RBFOX1: variants seen among roughly 807,000 people sequenced by gnomAD.
The protein encoded by RBFOX1 is RNA binding fox-1 homolog 1.
A neutral mutation model predicts 57.7 loss-of-function variants in RBFOX1; 8 were observed. That is an observed-to-expected ratio of 0.14 (90% CI 0.08 to 0.25). RBFOX1 has a LOEUF of 0.25. RBFOX1 is among the 10% of genes least tolerant of loss of function. The pLI is 1.00. For missense variants in RBFOX1, 611 were observed against 548.5 expected (o/e 1.11, Z -1.14); for synonymous variants, 326 against 222.4 (o/e 1.47, Z -4.15).
rs556244925 is a variant in RBFOX1 at position 5,927,596 on chromosome 16, G to T, written c.351+60261G>T. ...TATGATCCAGCAATAGTGCTTCTGG[G>T]TATATATCCAAAGGGAATGAAATCT... On this transcript the variant is annotated intron_variant, in intron 4 of 19. Transcript: ENST00000641259. 3.3e-5 allele frequency among the ~76,000 whole-genome samples: 5 copies of T among 152,286 alleles called. No individual in the cohort carries two copies. The South Asian group carries it at 1.0e-3, about 32-fold the overall frequency.
At chr16:7,001,398 T>TGTATGTGTATGTGTATGTGTATA (rs2092782327) in intron 3 of RBFOX1, among the ~76,000 whole-genome samples, 1 of 100,890 alleles carries the variant, frequency 9.9e-6, no homozygotes, top group African/African-American at 3.5e-5. Flanking sequence ...GTATGTGTAT[T>TGTATGTGTATGTGTATGTGTATA]TGTATATGTA....
chr16:6,882,163 C>G (rs2063077857), intron 3 of RBFOX1, among the ~76,000 whole-genome samples: 1 of 152,088 alleles, frequency 6.6e-6, no homozygotes, highest in African/African-American at 2.4e-5. Flanking sequence ...CTCATTAATT[C>G]TGTCTCTAGC....
chr16:6,005,209 G>A (rs9928467), intron 4 of RBFOX1, among the ~76,000 whole-genome samples: 3,683 of 152,282 alleles, frequency 0.024, 97 homozygotes, highest in South Asian at 0.11. Context: ...AAATGTATTC[G>A]TGGAAAGAGG....
chr16:7,220,045 C>T lies in RBFOX1; in HGVS notation c.27+167947C>T, dbSNP rs370591769. Among the ~76,000 whole-genome samples the T allele has an allele frequency of 2.0e-5, 3 of 152,198 alleles. No individual in the cohort carries two copies. The East Asian group carries it at 5.8e-4, about 29-fold the overall frequency. ...GCCTTCATTTTAAAATTAAAGGTGT[C>T]TTAAATGGAGTTGCATTGTTTGACC... On this transcript the variant is annotated intron_variant, in intron 4 of 15. Coordinates refer to ENST00000550418, the MANE Select transcript of RBFOX1 (RefSeq NM_018723.4).
intron 1 of RBFOX1, among the ~76,000 whole-genome samples, chr16:6,094,914 C>T (rs2096225525): frequency 6.6e-6 from 1 of 152,048 alleles, no homozygotes; most frequent in Non-Finnish European, 1.5e-5. Context: ...GCAAAAGTTA[C>T]TAAGGGATGG....
intron 3 of RBFOX1, among the ~76,000 whole-genome samples, chr16:5,753,844 TAG>T (rs2053301487): frequency 6.6e-6 from 1 of 151,680 alleles, no homozygotes; most frequent in Admixed American, 6.6e-5. Context: ...GTTGAGGATA[TAG>T]AGTTTTCATT....
chr16:6,042,272 T>C (rs570080601), intron 1 of RBFOX1, among the ~76,000 whole-genome samples: 43 of 152,142 alleles, frequency 2.8e-4, no homozygotes, highest in African/African-American at 9.6e-4. Context: ...AGTTAATTTT[T>C]GTATTTTTAG....
intron 4 of RBFOX1, among the ~76,000 whole-genome samples, chr16:7,262,492 G>T (rs1280259055): frequency 1.3e-5 from 2 of 152,236 alleles, no homozygotes; most frequent in African/African-American, 4.8e-5. Context: ...AAATTTAGGA[G>T]ATCAGAGTTA....
At chr16:6,161,947 G>T (rs192572977) in intron 1 of RBFOX1, among the ~76,000 whole-genome samples, 65 of 152,310 alleles carry the variant, frequency 4.3e-4, no homozygotes, top group Non-Finnish European at 6.9e-4. Flanking sequence ...GGGGCTGGAG[G>T]CCCTCTCAGT....
intron 4 of RBFOX1, among the ~76,000 whole-genome samples, chr16:7,249,450 C>T (rs910543124): frequency 2.0e-5 from 3 of 152,198 alleles, no homozygotes; most frequent in Admixed American, 6.5e-5. Flanking sequence ...ATTTTACTTA[C>T]ATCACCAAGG....
chr16:6,134,339 C>T (rs912873325), intron 1 of RBFOX1, among the ~76,000 whole-genome samples: 5 of 152,168 alleles, frequency 3.3e-5, no homozygotes, highest in African/African-American at 7.2e-5. Context: ...TCTGCAAGCA[C>T]AAAAGAGGAT....
chr16:7,252,192 G>C (rs1373525629), intron 4 of RBFOX1, among the ~76,000 whole-genome samples: 1 of 152,204 alleles, frequency 6.6e-6, no homozygotes, highest in Non-Finnish European at 1.5e-5. Flanking sequence ...GGAGGAAGGA[G>C]CTGGTTCTCC....
chr16:5,585,963 A>G (rs559106775), intron 2 of RBFOX1, among the ~76,000 whole-genome samples: 2 of 152,316 alleles, frequency 1.3e-5, no homozygotes, highest in South Asian at 4.2e-4. Flanking sequence ...GGGTCTTTAC[A>G]GATGGAATAA....
chr16:6,417,124 G>A (rs968817274), intron 2 of RBFOX1, among the ~76,000 whole-genome samples: 3 of 152,044 alleles, frequency 2.0e-5, no homozygotes, highest in Non-Finnish European at 2.9e-5. Context: ...CGATTCTCCT[G>A]CCTCAGCCTC....
intron 4 of RBFOX1, among the ~76,000 whole-genome samples, chr16:7,431,690 C>G (rs1337847725): frequency 6.6e-6 from 1 of 152,196 alleles, no homozygotes. Context: ...ATCCATTAAG[C>G]TGTCCCTCTC....
At chr16:6,160,775 C>T (rs963882139) in intron 1 of RBFOX1, among the ~76,000 whole-genome samples, 7 of 152,144 alleles carry the variant, frequency 4.6e-5, no homozygotes, top group African/African-American at 1.7e-4. Flanking sequence ...CTTATTCCAT[C>T]CCGTCTTGGG....
At chr16:5,908,982 T>G (rs995363091) in intron 4 of RBFOX1, among the ~76,000 whole-genome samples, 1 of 152,116 alleles carries the variant, frequency 6.6e-6, no homozygotes, top group Admixed American at 6.5e-5. Context: ...GCTAGAGACT[T>G]GATCTTGGGC....
chr16:7,174,454 G>C (rs979567050), intron 4 of RBFOX1, among the ~76,000 whole-genome samples: 12 of 152,180 alleles, frequency 7.9e-5, no homozygotes, highest in Non-Finnish European at 1.5e-4. Flanking sequence ...GGAATTGCTG[G>C]GTTGTATGGT....
At chr16:6,235,622 A>G (rs1278371056) in intron 1 of RBFOX1, among the ~76,000 whole-genome samples, 1 of 151,776 alleles carries the variant, frequency 6.6e-6, no homozygotes, top group Non-Finnish European at 1.5e-5. Context: ...TTATACATAT[A>G]TATATACTTA....
Sources: gnomAD v4.1 joint callset for allele counts (sites outside exome capture counted in the v4.1 genomes callset) on GRCh38, gnomAD v4.1.1 for gene constraint, MANE v1.5 for transcripts, NCBI Gene and HGNC (gene_info 2026-07-23, HGNC 2026-07-21) for gene names.